The following MAML3 variants were observed in gnomAD, a reference collection of about 807,000 sequenced individuals.
MAML3 encodes the protein mastermind like transcriptional coactivator 3, also known as mastermind-like protein 3.
Under a neutral mutation model 101.9 loss-of-function variants are expected in MAML3, and 27 were observed. That is an observed-to-expected ratio of 0.27 (90% CI 0.20 to 0.37). MAML3 has a LOEUF of 0.37. MAML3 is among the 10% of genes least tolerant of loss of function. The probability of loss-of-function intolerance (pLI) is 1.00; values close to 1 mark genes in which losing one functional copy is unlikely to be tolerated. For synonymous variants in MAML3, 501 were observed against 555.9 expected, an observed-to-expected ratio of 0.90 and a Z score of 1.39; for missense variants, 1,316 against 1,444.9, an observed-to-expected ratio of 0.91 and a Z score of 1.45.
intron 1 of MAML3, among the ~76,000 whole-genome samples, chr4:140,036,014 C>T (rs770753615): frequency 3.3e-5 from 5 of 152,138 alleles, no homozygotes; most frequent in Admixed American, 1.3e-4. Flanking sequence ...AGCATATCCA[C>T]GAAAGGGAAT....
At chr4:139,830,696 G>A (rs902593989) in intron 2 of MAML3, among the ~76,000 whole-genome samples, 1 of 152,072 alleles carries the variant, frequency 6.6e-6, no homozygotes, top group Admixed American at 6.5e-5. Flanking sequence ...TTACAGGCGT[G>A]AGCCACTGCG....
At chr4:140,091,760 T>G (rs1728056127) in intron 1 of MAML3, among the ~76,000 whole-genome samples, 1 of 152,016 alleles carries the variant, frequency 6.6e-6, no homozygotes, top group African/African-American at 2.4e-5. Context: ...ACTAATCATC[T>G]TAATGGCTGT....
At chr4:139,942,171 AAGGCAGGCAGGCAGGCAGGC>A (rs561148147) in intron 1 of MAML3, among the ~76,000 whole-genome samples, 8 of 76,798 alleles carry the variant, frequency 1.0e-4, no homozygotes, top group Non-Finnish European at 2.4e-4. Flanking sequence ...GGAGGGAGGG[AAGGCAGGCAGGCAGGCAGGC>A]AGGCAGGCAG....
chr4:139,808,421 C>A (rs1730737579), intron 2 of MAML3, among the ~76,000 whole-genome samples: 1 of 152,232 alleles, frequency 6.6e-6, no homozygotes, highest in African/African-American at 2.4e-5. Flanking sequence ...TTGATTATCA[C>A]CAGCTTTATT....
At chr4:139,875,824 G>A (rs1222109688) in intron 2 of MAML3, among the ~76,000 whole-genome samples, 1 of 151,170 alleles carries the variant, frequency 6.6e-6, no homozygotes, top group Non-Finnish European at 1.5e-5. Context: ...CTGGCCAGGC[G>A]GAGGGCACTG....
At chr4:140,090,139 G>A (rs1409570484) in intron 1 of MAML3, among the ~76,000 whole-genome samples, 2 of 152,196 alleles carry the variant, frequency 1.3e-5, no homozygotes, top group Non-Finnish European at 2.9e-5. Flanking sequence ...TAAGACTGAT[G>A]AACAGGTTTA....
Position 140,153,456 on chromosome 4 carries a change from C to G in MAML3, c.-129G>C. On this transcript the variant is annotated 5_prime_UTR_variant, in exon 1 of 5. Coordinates refer to ENST00000509479, the MANE Select transcript of MAML3 (RefSeq NM_018717.5). ...GGAGACGCAAGCACATGGATGGAAA[C>G]GGCGATCCCGACGGGGCGAAAAAAA... 1.9e-6 allele frequency: 2 copies of G among 1,034,032 alleles called. No homozygotes were observed. Among genetic ancestry groups the G allele is most frequent in the Non-Finnish European group, 1.3e-6 (1 of 796,026 alleles). The allele number at this position is 1,034,032 out of a possible 1,614,324, so 64.1% of individuals were successfully genotyped here.
At chr4:139,894,691 AC>A (rs1732575073) in intron 1 of MAML3, among the ~76,000 whole-genome samples, 1 of 150,676 alleles carries the variant, frequency 6.6e-6, no homozygotes, top group Admixed American at 6.7e-5. Flanking sequence ...ACTGCTGAAC[AC>A]AAGGCCCTAA....
intron 2 of MAML3, among the ~76,000 whole-genome samples, chr4:139,812,139 T>A (rs1318910818): frequency 1.3e-5 from 2 of 152,094 alleles, no homozygotes; most frequent in Non-Finnish European, 2.9e-5. Flanking sequence ...CCTGTAGTCC[T>A]AGCTACTCAG....
intron 1 of MAML3, among the ~76,000 whole-genome samples, chr4:140,052,397 C>T (rs1727282668): frequency 6.6e-6 from 1 of 152,146 alleles, no homozygotes; most frequent in Non-Finnish European, 1.5e-5. Flanking sequence ...CACCTGAACA[C>T]ACATCTGTGT....
chr4:139,867,665 T>G (rs938591037), intron 2 of MAML3, among the ~76,000 whole-genome samples: 1 of 152,258 alleles, frequency 6.6e-6, no homozygotes, highest in Non-Finnish European at 1.5e-5. Flanking sequence ...GGTTTCTGTT[T>G]CTCTGGTGCC....
At chr4:140,014,382 G>A (rs532736088) in intron 1 of MAML3, among the ~76,000 whole-genome samples, 3 of 152,322 alleles carry the variant, frequency 2.0e-5, no homozygotes, top group African/African-American at 7.2e-5. Flanking sequence ...GGGCTGGAAA[G>A]ATTAGTTACA....
At chr4:139,739,812 C>A (rs572960798) in intron 2 of MAML3, among the ~76,000 whole-genome samples, 6 of 149,142 alleles carry the variant, frequency 4.0e-5, no homozygotes, top group African/African-American at 9.8e-5. Flanking sequence ...TATTTTTATA[C>A]TTTTTCAAAT....
intron 1 of MAML3, among the ~76,000 whole-genome samples, chr4:139,897,982 C>A (rs796381558): frequency 2.4e-4 from 36 of 152,304 alleles, no homozygotes; most frequent in African/African-American, 8.7e-4. Flanking sequence ...TACACTTAAC[C>A]AACTTCTTCA....
intron 2 of MAML3, among the ~76,000 whole-genome samples, chr4:139,878,070 G>A (rs1424588238): frequency 6.6e-6 from 1 of 152,138 alleles, no homozygotes; most frequent in Non-Finnish European, 1.5e-5. Context: ...ATAGTAGAAA[G>A]TCCTCTAAAT....
intron 3 of MAML3, among the ~76,000 whole-genome samples, chr4:139,729,741 T>G (rs963439373): frequency 6.6e-6 from 1 of 152,222 alleles, no homozygotes; most frequent in African/African-American, 2.4e-5. Context: ...CAGGGAAGGC[T>G]TTCTCTCAAA....
chr4:140,092,092 A>ATATATATATATACG (rs1728066498), intron 1 of MAML3, among the ~76,000 whole-genome samples: 2 of 127,406 alleles, frequency 1.6e-5, no homozygotes, highest in Admixed American at 7.8e-5. Flanking sequence ...ATATACGTAT[A>ATATATATATATACG]TATATATATA....
intron 2 of MAML3, among the ~76,000 whole-genome samples, chr4:139,802,823 G>T (rs963776112): frequency 6.6e-6 from 1 of 152,164 alleles, no homozygotes; most frequent in African/African-American, 2.4e-5. Flanking sequence ...CTGTTGAGAG[G>T]ATTAAATAAG....
intron 1 of MAML3, among the ~76,000 whole-genome samples, chr4:139,929,475 C>T (rs1004440028): frequency 1.2e-4 from 19 of 152,202 alleles, no homozygotes; most frequent in African/African-American, 3.6e-4. Context: ...TAACTTCAGT[C>T]ACCAGGGAGT....
Sources: gnomAD v4.1 joint callset for allele counts (sites outside exome capture counted in the v4.1 genomes callset) on GRCh38, gnomAD v4.1.1 for gene constraint, MANE v1.5 for transcripts, NCBI Gene and HGNC (gene_info 2026-07-23, HGNC 2026-07-21) for gene names.